Variants in TMPRSS9 observed in about 807,000 individuals in gnomAD.
The protein encoded by TMPRSS9 is transmembrane serine protease 9.
In TMPRSS9, 113 loss-of-function variants were observed where a neutral mutation model predicts 111.4. That is an observed-to-expected ratio of 1.01 (90% confidence interval 0.87 to 1.19). The LOEUF (loss-of-function observed/expected upper bound fraction) is 1.19, where lower values mean the gene tolerates loss of function less well. Ranked by LOEUF, TMPRSS9 falls within the 50% of genes most tolerant of loss-of-function variation. The pLI is 0.00. For missense variants in TMPRSS9, 1,803 were observed against 1,513.1 expected (o/e 1.19, Z -3.18); for synonymous variants, 805 against 659.1 (o/e 1.22, Z -3.39).
intron 2 of TMPRSS9, among the ~76,000 whole-genome samples, chr19:2,396,912 G>A (rs1194821776): frequency 6.7e-6 from 1 of 149,790 alleles, no homozygotes; most frequent in Non-Finnish European, 1.5e-5. Flanking sequence ...CACATTTAGA[G>A]GTTTTTTTTT....
intron 13 of TMPRSS9, among the ~76,000 whole-genome samples, chr19:2,419,161 C>T (rs1219760281): frequency 9.1e-6 from 1 of 110,282 alleles, no homozygotes; most frequent in Non-Finnish European, 1.8e-5. Context: ...TCCCTCCCTA[C>T]CTTTCCTTCC....
exon 15 of TMPRSS9, chr19:2,424,188 G>C (rs761498298): frequency 2.1e-6 from 3 of 1,462,228 alleles, no homozygotes; most frequent in Non-Finnish European, 2.7e-6. Flanking sequence ...CTGCGGCGCC[G>C]GGAACACCGT....
intron 1 of TMPRSS9, among the ~76,000 whole-genome samples, chr19:2,383,234 A>G (rs1267369528): frequency 6.6e-6 from 1 of 151,908 alleles, no homozygotes; most frequent in Non-Finnish European, 1.5e-5. Context: ...GGCACCTGTA[A>G]TCCCAGCTAC....
At chr19:2,422,778 C>T (rs1051723140) in intron 14 of TMPRSS9, among the ~76,000 whole-genome samples, 9 of 152,112 alleles carry the variant, frequency 5.9e-5, no homozygotes, top group African/African-American at 1.9e-4. Context: ...ATCCCAGCTA[C>T]TTGGGAGGCT....
intron 2 of TMPRSS9, among the ~76,000 whole-genome samples, chr19:2,398,550 G>A (rs1236850041): frequency 2.0e-5 from 3 of 151,968 alleles, no homozygotes; most frequent in African/African-American, 7.3e-5. Flanking sequence ...CCTGGGAGGC[G>A]GAGGTTGCAG....
rs1005089300 is a variant in TMPRSS9, at chr19:2,410,385, C to T, written c.1245C>T (p.Asp415=). 53 of 1,613,884 alleles carry T rather than the reference C, an allele frequency of 3.3e-5. No homozygotes were observed. The East Asian group carries it at 1.2e-3, about 36-fold the overall frequency. ...CTGGCTACCTGGACGGGAAGGTGGA[C>T]TCCTGCCAGGTGAGCCCCCGATGCC... The change falls in exon 9 of 18, where the codon GAC becomes GAT. Residue 415 remains aspartate (D), a synonymous_variant. Transcript: ENST00000648592.
Position 2,399,303 on chromosome 19 carries a change from G to T in TMPRSS9, c.514+110G>T, listed in dbSNP as rs945308653. 2.2e-6 allele frequency: 3 copies of T among 1,382,620 alleles called. No homozygotes were observed. In the South Asian group the frequency reaches 4.5e-5, roughly 21 times the overall value. 85.6% of individuals were successfully genotyped at this position (1,382,620 alleles called of 1,614,324 possible). A position where few individuals can be genotyped will look rare whatever the true frequency, so the allele number is the denominator to read the frequency against. Reference sequence around the variant, plus strand: ...CTTCCCATAAAAAGAAAACAAACTGGCCGGGTGTGGTGGCTCATGCCTGCA... The same window carrying T: ...CTTCCCATAAAAAGAAAACAAACTGTCCGGGTGTGGTGGCTCATGCCTGCA... On this transcript the variant is annotated intron_variant, in intron 4 of 17. Coordinates refer to ENST00000648592, the Ensembl canonical transcript of TMPRSS9.
intron 14 of TMPRSS9, among the ~76,000 whole-genome samples, chr19:2,423,139 A>G (rs1971504038): frequency 1.3e-5 from 2 of 151,128 alleles, no homozygotes. Flanking sequence ...GTTTCTTGCT[A>G]ACTTGGCAGC....
chr19:2,363,542 GGAGT>G (rs1418577703), intron 1 of TMPRSS9, among the ~76,000 whole-genome samples: 1 of 151,836 alleles, frequency 6.6e-6, no homozygotes, highest in African/African-American at 2.4e-5. Flanking sequence ...AGTGTGGGAG[GGAGT>G]GAGGTCGCGT....
At chr19:2,384,221 G>A (rs1048077567) in intron 1 of TMPRSS9, among the ~76,000 whole-genome samples, 29 of 152,190 alleles carry the variant, frequency 1.9e-4, no homozygotes, top group Non-Finnish European at 1.0e-4. Context: ...AGCAGACACA[G>A]CATCCCAGGG....
At chr19:2,363,170 C>T (rs1015075352) in intron 1 of TMPRSS9, among the ~76,000 whole-genome samples, 18 of 152,192 alleles carry the variant, frequency 1.2e-4, no homozygotes, top group African/African-American at 3.6e-4. Context: ...TGGCCCACTG[C>T]GCGCTGGGTC....
exon 18 of TMPRSS9, chr19:2,426,051 C>T: frequency 6.2e-7 from 1 of 1,609,528 alleles, no homozygotes; most frequent in South Asian, 1.1e-5. Flanking sequence ...CGGGTGGCAG[C>T]TGTGAGAGGC....
At position 2,364,661 on chromosome 19, in the gene TMPRSS9, C is replaced by T. The variant is rs542173414; in HGVS notation, c.-26+4301C>T. Among the ~76,000 whole-genome samples, 4 of 152,188 alleles carry T rather than the reference C, an allele frequency of 2.6e-5. No homozygotes were observed. The East Asian group carries it at 7.7e-4, about 29-fold the overall frequency. On this transcript the variant is annotated intron_variant, in intron 1 of 17. Transcript: ENST00000649857. The stretch of plus-strand genomic sequence containing the variant: ...CACACCCACCTTCCACCCAGTGTCC[C>T]CTTGCGTTGACACCTTTGACCACAG...
intron 1 of TMPRSS9, among the ~76,000 whole-genome samples, chr19:2,395,656 A>G (rs1174812874): frequency 2.6e-5 from 4 of 152,084 alleles, no homozygotes; most frequent in Non-Finnish European, 4.4e-5. Context: ...CGGAGGTTAC[A>G]GTGAGGCGAG....
At chr19:2,417,934 T>G in intron 12 of TMPRSS9, 68 bp from the exon 14 acceptor site, 1 of 1,592,110 alleles carries the variant, frequency 6.3e-7, no homozygotes, top group Admixed American at 1.7e-5. Flanking sequence ...GGGGCTGTTA[T>G]CGGAGCGGAA....
exon 11 of TMPRSS9, chr19:2,415,779 C>T (rs1225324126): frequency 2.5e-6 from 4 of 1,609,566 alleles, no homozygotes; most frequent in South Asian, 1.1e-5. Context: ...GGTCCCGGCA[C>T]TTCTGCGGAG....
chr19:2,370,551 AC>A lies in TMPRSS9; in HGVS notation c.-26+10195del, dbSNP rs1168730278. ...CGCTATGTTCCTCAGGCTGGTCTCA[AC>A]CCCTGGCCTCAAGTGATCCTCCCTC... On this transcript the variant is annotated intron_variant, in intron 1 of 17. Coordinates refer to the TMPRSS9 transcript ENST00000649857. Among the ~76,000 whole-genome samples the A allele has an allele frequency of 1.4e-4, 22 of 151,898 alleles. 1 individual carries two copies. Among genetic ancestry groups the A allele is most frequent in the Non-Finnish European group, 2.4e-4 (16 of 67,968 alleles).
At chr19:2,424,101 C>G in exon 15 of TMPRSS9, 2 of 1,307,166 alleles carry the variant, frequency 1.5e-6, no homozygotes, top group South Asian at 4.2e-5. Flanking sequence ...TGTGGCCTGG[C>G]GCCGGCCGCG....
Position 2,416,815 on chromosome 19 carries a change from C to T in TMPRSS9, c.2017+6C>T, listed in dbSNP as rs776904335. Reference sequence around the variant, plus strand: ...AAATACGCAGGAAGGAAATGGTGAGCGCTGCCCCATCGAGGGGAACGGTGG... The same window carrying T: ...AAATACGCAGGAAGGAAATGGTGAGTGCTGCCCCATCGAGGGGAACGGTGG... On this transcript the variant is annotated splice_donor_region_variant and intron_variant, in intron 12 of 17. Transcript: ENST00000648592. 29 of 1,600,096 alleles carry T rather than the reference C, an allele frequency of 1.8e-5. No individual in the cohort carries two copies. The highest frequency in any genetic ancestry group is 3.3e-4 in the Middle Eastern group (2 of 6,060).
Sources: gnomAD v4.1 joint callset for allele counts (sites outside exome capture counted in the v4.1 genomes callset) on GRCh38, gnomAD v4.1.1 for gene constraint, MANE v1.5 for transcripts, NCBI Gene and HGNC (gene_info 2026-07-23, HGNC 2026-07-21) for gene names.